The following RNASET2 variants were observed in gnomAD, a reference collection of about 807,000 sequenced individuals.
The protein encoded by RNASET2 is ribonuclease 6.
Under a neutral mutation model 33.9 loss-of-function variants are expected in RNASET2, and 28 were observed. The ratio of observed to expected loss-of-function variants is 0.83; its 90% confidence interval spans 0.61 to 1.13. The LOEUF (loss-of-function observed/expected upper bound fraction) is 1.13, where lower values mean the gene tolerates loss of function less well. RNASET2 is among the 50% of genes most tolerant of loss of function. RNASET2 has a pLI of 0.00. For missense variants in RNASET2, 330 were observed against 319.9 expected, an observed-to-expected ratio of 1.03 and a Z score of -0.24; for synonymous variants, 123 against 121.0, an observed-to-expected ratio of 1.02 and a Z score of -0.11.
At position 166,956,316 on chromosome 6, in the gene RNASET2, C is replaced by A; in HGVS notation, c.-134G>T. 6.8e-6 allele frequency: 6 copies of A among 878,784 alleles called. No individual in the cohort carries two copies. The highest frequency in any genetic ancestry group is 1.1e-5 in the Non-Finnish European group (6 of 548,750). 54.4% of individuals were successfully genotyped at this position (878,784 alleles called of 1,614,324 possible). On this transcript the variant is annotated 5_prime_UTR_variant, in exon 1 of 9. Coordinates refer to ENST00000508775, the MANE Select transcript of RNASET2 (RefSeq NM_003730.6). ...CGCCGCGCTCCCTCCGCTGCAGCAG[C>A]GGCCACCGGGTGCGCCCGGAGCCCT...
chr6:166,938,304 G>C (rs1317151236), intron 6 of RNASET2, among the ~76,000 whole-genome samples: 1 of 152,126 alleles, frequency 6.6e-6, no homozygotes, highest in Non-Finnish European at 1.5e-5. Flanking sequence ...AACCAGATTC[G>C]GACAGTGAGT....
intron 3 of RNASET2, 31 bp from the exon 4 acceptor site, chr6:166,946,770 G>A: frequency 7.2e-7 from 1 of 1,383,726 alleles, no homozygotes; most frequent in East Asian, 2.4e-5. Context: ...GAGAAAATAA[G>A]AAATATTAGG....
intron 8 of RNASET2, among the ~76,000 whole-genome samples, 193 bp from the exon 9 acceptor site, chr6:166,929,984 A>C (rs1019000033): frequency 6.6e-6 from 1 of 152,240 alleles, no homozygotes; most frequent in African/African-American, 2.4e-5. Context: ...GAGTGGCCCC[A>C]GGTGACTCGC....
chr6:166,949,784 AGG>A (rs1290595925), intron 2 of RNASET2, among the ~76,000 whole-genome samples: 1 of 152,124 alleles, frequency 6.6e-6, no homozygotes, highest in Admixed American at 6.5e-5. Flanking sequence ...CGGGGCTCTG[AGG>A]GCTCTGCACA....
rs375297629 is a variant in RNASET2, at chr6:166,952,540, T to C, written c.95A>G (p.His32Arg). Reference protein sequence around the residue: ...GGADKRLRDNHEWKKLIMVQH... With the variant: ...GGADKRLRDNREWKKLIMVQH... ...AACCATAATTAGTTTTTTCCACTCA[T>C]GGTTGTCACTGTTAAAACATAAGAA... The change falls in exon 2 of 9, where the codon CAT (histidine) becomes CGT (arginine). Residue 32 changes from histidine to arginine, a missense_variant. By Grantham distance (29) the His-to-Arg change is conservative (BLOSUM62 0). Coordinates refer to ENST00000508775, the MANE Select transcript of RNASET2 (RefSeq NM_003730.6). 19 of 1,612,586 alleles carry C rather than the reference T, an allele frequency of 1.2e-5. No individual in the cohort carries two copies. The Admixed American group carries it at 1.8e-4, about 16-fold the overall frequency.
chr6:166,935,427 G>C (rs1778543038), intron 6 of RNASET2, among the ~76,000 whole-genome samples: 1 of 152,096 alleles, frequency 6.6e-6, no homozygotes, highest in Admixed American at 6.6e-5. Flanking sequence ...CCTGACTTGG[G>C]TGATCAAGGG....
intron 2 of RNASET2, among the ~76,000 whole-genome samples, chr6:166,950,965 G>A (rs1172319925): frequency 6.6e-6 from 1 of 152,224 alleles, no homozygotes; most frequent in East Asian, 1.9e-4. Flanking sequence ...CAAAGAGACA[G>A]AAGAAAAGAC....
At position 166,940,794 on chromosome 6, in the gene RNASET2, G is replaced by A. The variant is rs3798302; in HGVS notation, c.333-1786C>T. On this transcript the variant is annotated intron_variant, in intron 5 of 8. Coordinates refer to ENST00000508775, the MANE Select transcript of RNASET2 (RefSeq NM_003730.6). ...AGTCACCAATGCGAAGTGACTCAGC[G>A]TGTTGCCCTCTGTGCTGAGAGACAC... Among the ~76,000 whole-genome samples, 628 of 151,786 alleles carry A rather than the reference G, an allele frequency of 4.1e-3. 15 individuals carry two copies. In the East Asian group the frequency reaches 0.072, roughly 17 times the overall value.
chr6:166,952,366 C>A (rs973788605), intron 2 of RNASET2, 122 bp downstream of exon 2: 1 of 869,152 alleles, frequency 1.2e-6, no homozygotes, highest in Non-Finnish European at 2.0e-6. Context: ...CACCGCCCAC[C>A]CGCCAGAGCG....
At position 166,929,703 on chromosome 6, in the gene RNASET2, T is replaced by C; in HGVS notation, c.656A>G (p.Gln219Arg). ...CCAGACTTCCTGCTTGGGGGACGGC[T>C]GCTCCCCCGGCTCGGTGCAGTTTTG... is the stretch of plus-strand genomic sequence containing the variant. The part of the protein sequence containing the change: ...QLQNCTEPGE[Q>R]PSPKQEVWLA... The change falls in exon 9 of 9, where the codon CAG becomes CGG. Residue 219 changes from glutamine (Q) to arginine (R), a missense_variant. Transcript: ENST00000508775. 6.2e-7 allele frequency: 1 copy of C among 1,614,146 alleles called. No homozygotes were observed. Among genetic ancestry groups the C allele is most frequent in the Non-Finnish European group, 8.5e-7 (1 of 1,180,022 alleles).
chr6:166,924,710 T>C lies in RNASET2; in HGVS notation c.*4878A>G, dbSNP rs1778278103. On this transcript the variant is annotated 3_prime_UTR_variant, in exon 9 of 9. Transcript: ENST00000508775. The stretch of plus-strand genomic sequence containing the variant: ...CCTTGCCGTCTGTTGCCCTGCACTT[T>C]GGGAGGCTGAGGCAGGTGGATCACC... Among the ~76,000 whole-genome samples, 1 of 152,158 alleles carries C rather than the reference T, an allele frequency of 6.6e-6. No individual in the cohort carries two copies. The highest frequency in any genetic ancestry group is 1.5e-5 in the Non-Finnish European group (1 of 68,020).
intron 1 of RNASET2, among the ~76,000 whole-genome samples, chr6:166,955,179 A>ACACACACG (rs1554269940): frequency 1.5e-4 from 17 of 116,730 alleles, no homozygotes; most frequent in East Asian, 9.1e-4. Flanking sequence ...CGGCTGCCAC[A>ACACACACG]CACACACACG....
chr6:166,952,677 C>T lies in RNASET2; in HGVS notation c.87-129G>A, dbSNP rs147711468. On this transcript the variant is annotated intron_variant, in intron 1 of 8. Coordinates refer to ENST00000508775, the MANE Select transcript of RNASET2 (RefSeq NM_003730.6). ...CTGTGGGAGGAGGAACACTGCCTGC[C>T]CTGCTGCTGCACACACTCCCGTGAG... 1.1e-5 allele frequency: 8 copies of T among 747,738 alleles called. No individual in the cohort carries two copies. In the Admixed American group the frequency reaches 1.4e-4, roughly 13 times the overall value. The allele number at this position is 747,738 out of a possible 1,614,324, so 46.3% of individuals were successfully genotyped here.
rs76326219 is a variant in RNASET2, at chr6:166,936,467, G to A, written c.447-2331C>T. On this transcript the variant is annotated intron_variant, in intron 6 of 8. Coordinates refer to ENST00000508775, the MANE Select transcript of RNASET2 (RefSeq NM_003730.6). ...TTTTTGGCTCAGGGGTCTGCAGGCT[G>A]TCCGAGAAGCATGGAACCAGATTCT... Among the ~76,000 whole-genome samples, 658 of 152,268 alleles carry A rather than the reference G, an allele frequency of 4.3e-3. 16 individuals carry two copies. In the East Asian group the frequency reaches 0.074, roughly 17 times the overall value.
In RNASET2 at chr6:166,925,525, T is replaced by C. The variant is rs923444138; in HGVS notation, c.*4063A>G. 1.3e-5 allele frequency among the ~76,000 whole-genome samples: 2 copies of C among 149,814 alleles called. No individual in the cohort carries two copies. The highest frequency in any genetic ancestry group is 2.5e-5 in the African/African-American group (1 of 40,664). Reference sequence around the variant, plus strand: ...GCCCTCACCTCCCCGGTCCAGCCCTTGCCTCCCCCGTCCAGCCCTCACCTC... The same window carrying C: ...GCCCTCACCTCCCCGGTCCAGCCCTCGCCTCCCCCGTCCAGCCCTCACCTC... On this transcript the variant is annotated 3_prime_UTR_variant, in exon 9 of 9. Coordinates refer to ENST00000508775, the MANE Select transcript of RNASET2 (RefSeq NM_003730.6).
At chr6:166,938,237 C>T (rs546398122) in intron 6 of RNASET2, among the ~76,000 whole-genome samples, 17 of 152,144 alleles carry the variant, frequency 1.1e-4, no homozygotes, top group Non-Finnish European at 1.9e-4. Context: ...GCAGCTAAGA[C>T]GCTGACACCC....
chr6:166,930,641 TAC>T (rs1260873906), intron 8 of RNASET2, among the ~76,000 whole-genome samples: 1 of 141,488 alleles, frequency 7.1e-6, no homozygotes, highest in African/African-American at 2.7e-5. Flanking sequence ...CCACATAATG[TAC>T]ACACTTGCAC....
intron 6 of RNASET2, among the ~76,000 whole-genome samples, chr6:166,936,775 T>A (rs894863792): frequency 6.6e-6 from 1 of 152,186 alleles, no homozygotes; most frequent in African/African-American, 2.4e-5. Context: ...ACCAACCACA[T>A]CCAAACCATA....
intron 2 of RNASET2, among the ~76,000 whole-genome samples, chr6:166,951,491 G>A (rs73789710): frequency 0.023 from 3,471 of 151,560 alleles, 135 homozygotes; most frequent in African/African-American, 0.078. Flanking sequence ...CCACTAGACC[G>A]AGGTCAGCTA....
Sources: gnomAD v4.1 joint callset for allele counts (sites outside exome capture counted in the v4.1 genomes callset) on GRCh38, gnomAD v4.1.1 for gene constraint, MANE v1.5 for transcripts, NCBI Gene and HGNC (gene_info 2026-07-23, HGNC 2026-07-21) for gene names.